The following RMND5A variants were observed in gnomAD, a reference collection of about 807,000 sequenced individuals.
RMND5A encodes the protein E3 ubiquitin-protein transferase RMND5A.
Under a neutral mutation model 49.7 loss-of-function variants are expected in RMND5A, and 17 were observed. The observed-to-expected ratio is 0.34, with a 90% CI of 0.23 to 0.51. RMND5A has a LOEUF of 0.51. Among genes scored for constraint, RMND5A ranks in the 20% least tolerant of loss-of-function variants. The pLI, the probability that RMND5A is intolerant of heterozygous loss-of-function variation, is 0.96. For missense variants in RMND5A, 255 were observed against 471.3 expected (o/e 0.54, Z 4.25); for synonymous variants, 156 against 167.7 (o/e 0.93, Z 0.54).
At chr2:86,759,440 G>A (rs1009472378) in intron 4 of RMND5A, among the ~76,000 whole-genome samples, 3 of 152,194 alleles carry the variant, frequency 2.0e-5, no homozygotes, top group African/African-American at 7.2e-5. Flanking sequence ...TGTAGTGGCA[G>A]AGATCAGTGT....
Position 86,732,549 on chromosome 2 carries a change from G to A in RMND5A, c.143-8378G>A, listed in dbSNP as rs1348564321. ...AATGTATGTACAAAATGCTAAAAGTGTATTGAAGGTGTAACCAAGGTATTA... is the reference window on the plus strand; with the variant it reads ...AATGTATGTACAAAATGCTAAAAGTATATTGAAGGTGTAACCAAGGTATTA... On this transcript the variant is annotated intron_variant, in intron 1 of 8. Coordinates refer to ENST00000283632, the MANE Select transcript of RMND5A (RefSeq NM_022780.4). 9.5e-5 allele frequency among the ~76,000 whole-genome samples: 14 copies of A among 147,230 alleles called. No individual in the cohort carries two copies. The East Asian group carries it at 2.2e-3, about 23-fold the overall frequency.
chr2:86,751,943 G>C lies in RMND5A; in HGVS notation c.333G>C (p.Gln111His). 1 of 1,613,692 alleles carries C rather than the reference G, an allele frequency of 6.2e-7. No individual in the cohort carries two copies. The highest frequency in any genetic ancestry group is 8.5e-7 in the Non-Finnish European group (1 of 1,179,684). ...ISSVGIDGCWQADSQRLLNEV... is the reference protein window; with the variant it reads ...ISSVGIDGCWHADSQRLLNEV... ...GTGTGGGAATAGATGGCTGCTGGCA[G>C]GCAGACAGCCAAAGGCTTCTCAATG... Residue 111 changes from glutamine to histidine, a missense_variant, in exon 3 of 9, where the codon CAG becomes CAC. This residue lies in a region of RMND5A where 208 missense variants were observed against 339.8 expected (regional missense o/e 0.61). Coordinates refer to ENST00000283632, the MANE Select transcript of RMND5A (RefSeq NM_022780.4).
At chr2:86,757,584 ATAT>A (rs1681766130) in intron 4 of RMND5A, among the ~76,000 whole-genome samples, 1 of 152,170 alleles carries the variant, frequency 6.6e-6, no homozygotes, top group Non-Finnish European at 1.5e-5. Flanking sequence ...GGTGGGGGAA[ATAT>A]TAGAAAAAAT....
At chr2:86,757,903 A>T (rs1180142613) in intron 4 of RMND5A, among the ~76,000 whole-genome samples, 1 of 152,372 alleles carries the variant, frequency 6.6e-6, no homozygotes, top group East Asian at 1.9e-4. Context: ...AGGCAGGTCC[A>T]TGTGGAAGGC....
intron 3 of RMND5A, among the ~76,000 whole-genome samples, chr2:86,752,753 G>T (rs1681658314): frequency 6.6e-6 from 1 of 152,214 alleles, no homozygotes; most frequent in African/African-American, 2.4e-5. Context: ...AAGCCACCAT[G>T]TGCTGTTGCA....
chr2:86,729,129 G>T (rs1324895939), intron 1 of RMND5A, among the ~76,000 whole-genome samples: 1 of 152,226 alleles, frequency 6.6e-6, no homozygotes, highest in Non-Finnish European at 1.5e-5. Context: ...ATACCACTCT[G>T]TGTCCAGTGG....
intron 2 of RMND5A, among the ~76,000 whole-genome samples, chr2:86,746,160 G>T (rs1258566840): frequency 6.6e-6 from 1 of 152,124 alleles, no homozygotes; most frequent in Non-Finnish European, 1.5e-5. Flanking sequence ...GATAAACAAG[G>T]TCTGTGTGTT....
Position 86,774,034 on chromosome 2 carries a change from T to G in RMND5A, c.*623T>G, listed in dbSNP as rs1315994637. On this transcript the variant is annotated 3_prime_UTR_variant, in exon 9 of 9. Transcript: ENST00000283632. ...ATGCAGCCCCAGCAGGCTGCGTGTT[T>G]AAGAATTTCATTGTTTAACTGGCTG... 6.5e-6 allele frequency: 1 copy of G among 152,696 alleles called. No individual in the cohort carries two copies. The highest frequency in any genetic ancestry group is 1.5e-5 in the Non-Finnish European group (1 of 68,050). The allele number at this position is 152,696 out of a possible 1,614,324, so 9.5% of individuals were successfully genotyped here. A position where few individuals can be genotyped will look rare whatever the true frequency, so the allele number is the denominator to read the frequency against.
chr2:86,748,266 C>T (rs533257621), intron 2 of RMND5A: 1 of 152,270 alleles, frequency 6.6e-6, no homozygotes, highest in South Asian at 2.1e-4. Context: ...ATTGCATTTC[C>T]TCAACCTCTA....
chr2:86,752,304 C>T (rs1409257656), intron 3 of RMND5A, among the ~76,000 whole-genome samples: 8 of 152,054 alleles, frequency 5.3e-5, no homozygotes, highest in Non-Finnish European at 8.8e-5. Flanking sequence ...GGCGCAAAAG[C>T]GATATTCTTT....
chr2:86,770,648 C>G (rs184768465), intron 7 of RMND5A, among the ~76,000 whole-genome samples: 5 of 152,144 alleles, frequency 3.3e-5, no homozygotes, highest in African/African-American at 1.2e-4. Context: ...AACATCAGCA[C>G]GATCACTTGC....
At chr2:86,772,096 T>G (rs1282596590) in intron 8 of RMND5A, among the ~76,000 whole-genome samples, 2 of 152,220 alleles carry the variant, frequency 1.3e-5, no homozygotes, top group East Asian at 1.9e-4. Flanking sequence ...TATATTCTAC[T>G]GTATAGAAAT....
Position 86,720,531 on chromosome 2 carries a change from C to T in RMND5A, c.-137C>T. The T allele has an allele frequency of 5.8e-6, 3 of 513,278 alleles. No homozygotes were observed. The highest frequency in any genetic ancestry group is 8.4e-6 in the Non-Finnish European group (3 of 357,872). The allele number at this position is 513,278 out of a possible 1,614,324, so 31.8% of individuals were successfully genotyped here. ...GGCTCCCCCGGCGCCGCGGCTAGTG[C>T]GCCCGCCGCCTCGGCCGCCTCAGCC... On this transcript the variant is annotated 5_prime_UTR_variant, in exon 1 of 9. Transcript: ENST00000283632.
intron 2 of RMND5A, chr2:86,748,438 T>G (rs1681576926): frequency 6.6e-6 from 1 of 152,236 alleles, no homozygotes; most frequent in South Asian, 2.1e-4. Flanking sequence ...TATTCATGCT[T>G]CTTTTCCAAG....
At position 86,775,341 on chromosome 2, in the gene RMND5A, T is replaced by C. The variant is rs1286749713; in HGVS notation, c.*1930T>C. ...TTTTCTTTCTTTCTTTTTTTTTTTT[T>C]TTTTTTTTACCCTTTTTCTCCTTAG... On this transcript the variant is annotated 3_prime_UTR_variant, in exon 9 of 9. Transcript: ENST00000283632. The C allele has an allele frequency of 6.7e-6, 1 of 150,280 alleles. No homozygotes were observed. The highest frequency in any genetic ancestry group is 1.5e-5 in the Non-Finnish European group (1 of 67,604). The allele number at this position is 150,280 out of a possible 1,614,324, so 9.3% of individuals were successfully genotyped here.
At chr2:86,763,093 T>A (rs1384550558) in intron 4 of RMND5A, among the ~76,000 whole-genome samples, 1 of 152,166 alleles carries the variant, frequency 6.6e-6, no homozygotes, top group Non-Finnish European at 1.5e-5. Flanking sequence ...CATTTAACAC[T>A]ATATCATGAA....
rs1681201969 is a variant in RMND5A at position 86,720,988 on chromosome 2, C to T, written c.142+179C>T. On this transcript the variant is annotated intron_variant, in intron 1 of 8. Coordinates refer to ENST00000283632, the MANE Select transcript of RMND5A (RefSeq NM_022780.4). The stretch of plus-strand genomic sequence containing the variant: ...CCCTCTTCGTCCGATTTACCTCGAA[C>T]CTGCCGCGACCTCGCTGCCAATTCA... The T allele has an allele frequency of 9.8e-6, 5 of 512,576 alleles. 1 individual carries two copies. Among genetic ancestry groups the T allele is most frequent in the Non-Finnish European group, 1.3e-5 (4 of 302,934 alleles). 31.8% of individuals were successfully genotyped at this position (512,576 alleles called of 1,614,324 possible).
At position 86,776,018 on chromosome 2, in the gene RMND5A, TATA is replaced by T. The variant is rs1016630623; in HGVS notation, c.*2610_*2612del. The T allele has an allele frequency of 1.3e-5, 2 of 152,234 alleles. No individual in the cohort carries two copies. The highest frequency in any genetic ancestry group is 4.8e-5 in the African/African-American group (2 of 41,458). 9.4% of individuals were successfully genotyped at this position (152,234 alleles called of 1,614,324 possible). ...AACGTTTATAACAGTCACATTTAAT[TATA>T]ATGTACATCAAAGGCAGAATTTCAG... On this transcript the variant is annotated 3_prime_UTR_variant, in exon 9 of 9. Coordinates refer to ENST00000283632, the MANE Select transcript of RMND5A (RefSeq NM_022780.4).
chr2:86,777,028 A>G lies in RMND5A; in HGVS notation c.*3617A>G, dbSNP rs1672782320. 1.3e-5 allele frequency: 2 copies of G among 152,212 alleles called. No individual in the cohort carries two copies. The highest frequency in any genetic ancestry group is 4.1e-4 in the South Asian group (2 of 4,828). The allele number at this position is 152,212 out of a possible 1,614,324, so 9.4% of individuals were successfully genotyped here. A position where few individuals can be genotyped will look rare whatever the true frequency, so the allele number is the denominator to read the frequency against. Reference sequence around the variant, plus strand: ...CTTAATGAACTATAATTGAATAGATACCAAAAATAGAATGACAAATGTATT... The same window carrying G: ...CTTAATGAACTATAATTGAATAGATGCCAAAAATAGAATGACAAATGTATT... On this transcript the variant is annotated 3_prime_UTR_variant, in exon 9 of 9. Coordinates refer to ENST00000283632, the MANE Select transcript of RMND5A (RefSeq NM_022780.4).
Sources: gnomAD v4.1 joint callset for allele counts (sites outside exome capture counted in the v4.1 genomes callset) on GRCh38, gnomAD v4.1.1 for gene constraint, gnomAD v4.1.1 regional missense constraint, MANE v1.5 for transcripts, NCBI Gene and HGNC (gene_info 2026-07-23, HGNC 2026-07-21) for gene names.